ANKRD11: variants seen among roughly 807,000 people sequenced by gnomAD.
ANKRD11 encodes ankyrin repeat domain-containing protein 11.
A neutral mutation model predicts 195.7 loss-of-function variants in ANKRD11; 17 were observed. The observed-to-expected ratio is 0.09, with a 90% CI of 0.06 to 0.13. ANKRD11 has a LOEUF of 0.13. ANKRD11 is among the 10% of genes least tolerant of loss of function. The pLI is 1.00. For missense variants in ANKRD11, 3,735 were observed against 3,566.1 expected (o/e 1.05, Z -1.21); for synonymous variants, 1,953 against 1,528.1 (o/e 1.28, Z -6.49).
At chr16:89,366,970 T>G (rs1439407658) in intron 2 of ANKRD11, among the ~76,000 whole-genome samples, 1 of 152,236 alleles carries the variant, frequency 6.6e-6, no homozygotes, top group Non-Finnish European at 1.5e-5. Flanking sequence ...CAGGCTGGAT[T>G]AGGTCCGCTG....
At position 89,282,747 on chromosome 16, in the gene ANKRD11, G is replaced by C; in HGVS notation, c.3795C>G (p.Ser1265=). ...KHKEKSDKEH[S]KERKSSRSAD... ...CACTTCTCGAGGACTTCCTCTCCTTGGAATGTTCTTTGTCCGACTTCTCTT... is the reference window on the plus strand; with the variant it reads ...CACTTCTCGAGGACTTCCTCTCCTTCGAATGTTCTTTGTCCGACTTCTCTT... The change falls in exon 9 of 13, where the codon TCC becomes TCG. Residue 1265 remains serine, a synonymous_variant. Coordinates refer to ENST00000301030, the MANE Select transcript of ANKRD11 (RefSeq NM_013275.6). 1 of 1,613,314 alleles carries C rather than the reference G, an allele frequency of 6.2e-7. No individual in the cohort carries two copies. The highest frequency in any genetic ancestry group is 8.5e-7 in the Non-Finnish European group (1 of 1,179,956).
chr16:89,275,487 A>T (rs1389154111), intron 9 of ANKRD11, among the ~76,000 whole-genome samples: 1 of 152,190 alleles, frequency 6.6e-6, no homozygotes, highest in Non-Finnish European at 1.5e-5. Context: ...GGAGGGCCTG[A>T]AACACCGGCA....
chr16:89,477,500 C>T lies in ANKRD11; in HGVS notation c.-145+12745G>A, dbSNP rs1024052132. On this transcript the variant is annotated intron_variant, in intron 1 of 12. Coordinates refer to ENST00000301030, the MANE Select transcript of ANKRD11 (RefSeq NM_013275.6). ...CCTCCCGAGTAGCTGAGATTACAGG[C>T]GCCTGCCACCACGCCCAGCTAATTT... 3.4e-4 allele frequency among the ~76,000 whole-genome samples: 52 copies of T among 152,046 alleles called. 1 individual carries two copies. Among genetic ancestry groups the T allele is most frequent in the South Asian group, 2.3e-3 (11 of 4,814 alleles).
At chr16:89,377,281 G>C (rs1175107436) in intron 2 of ANKRD11, among the ~76,000 whole-genome samples, 1 of 152,134 alleles carries the variant, frequency 6.6e-6, no homozygotes, top group Non-Finnish European at 1.5e-5. Context: ...GAGAGAGAGA[G>C]AGAGCATCAT....
intron 1 of ANKRD11, among the ~76,000 whole-genome samples, chr16:89,481,549 C>A (rs2965962): frequency 6.6e-6 from 1 of 152,084 alleles, no homozygotes; most frequent in Non-Finnish European, 1.5e-5. Flanking sequence ...AGAGCAAGAC[C>A]TTGTCTCAAA....
rs1257214083 is a variant in ANKRD11 at position 89,456,255 on chromosome 16, G to A, written c.-145+33990C>T. On this transcript the variant is annotated intron_variant, in intron 1 of 12. Coordinates refer to ENST00000301030, the MANE Select transcript of ANKRD11 (RefSeq NM_013275.6). Reference sequence around the variant, plus strand: ...ATTCGGTCCCAAAAAAAAAAGGGGGGGTGGAAACGGGGGCCAGGCAAGCTG... The same window carrying A: ...ATTCGGTCCCAAAAAAAAAAGGGGGAGTGGAAACGGGGGCCAGGCAAGCTG... Among the ~76,000 whole-genome samples, 9 of 150,798 alleles carry A rather than the reference G, an allele frequency of 6.0e-5. No homozygotes were observed. The South Asian group carries it at 1.7e-3, about 28-fold the overall frequency.
At chr16:89,338,837 A>G (rs2038513472) in intron 2 of ANKRD11, among the ~76,000 whole-genome samples, 2 of 152,076 alleles carry the variant, frequency 1.3e-5, no homozygotes. Flanking sequence ...CAAAACAATC[A>G]TTTCCCTTTC....
intron 1 of ANKRD11, among the ~76,000 whole-genome samples, chr16:89,464,901 C>T (rs74829481): frequency 0.04 from 6,143 of 152,254 alleles, 140 homozygotes; most frequent in Middle Eastern, 0.058. Flanking sequence ...CCAAGTTCAT[C>T]TACTATGATT....
At chr16:89,380,233 C>T (rs182527283) in intron 2 of ANKRD11, among the ~76,000 whole-genome samples, 69 of 152,222 alleles carry the variant, frequency 4.5e-4, no homozygotes, top group Admixed American at 1.6e-3. Context: ...CTGTCTCTGC[C>T]CCCCGAGTAG....
At chr16:89,415,117 C>T (rs1263689421) in intron 2 of ANKRD11, among the ~76,000 whole-genome samples, 2 of 151,908 alleles carry the variant, frequency 1.3e-5, no homozygotes, top group Admixed American at 6.6e-5. Flanking sequence ...CCATGCCTGG[C>T]TCATTTTTTT....
At chr16:89,438,296 C>CT (rs2043300492) in intron 1 of ANKRD11, among the ~76,000 whole-genome samples, 1 of 151,012 alleles carries the variant, frequency 6.6e-6, no homozygotes, top group South Asian at 2.1e-4. Flanking sequence ...GCGTAGGAAG[C>CT]TATCTTTATG....
rs533224443 is a variant in ANKRD11, at chr16:89,437,280, C to CA, written c.-144-18913dup. Among the ~76,000 whole-genome samples, 65 of 152,302 alleles carry CA rather than the reference C, an allele frequency of 4.3e-4. No individual in the cohort carries two copies. In the Middle Eastern group the frequency reaches 0.01, roughly 24 times the overall value. On this transcript the variant is annotated intron_variant, in intron 1 of 12. Transcript: ENST00000301030. ...GCATGATGCTAATATGCTAATATGA[C>CA]AGAGAATTTTTTAAAAAGCCACCAA...
intron 1 of ANKRD11, among the ~76,000 whole-genome samples, chr16:89,455,343 G>A (rs1230858069): frequency 2.0e-5 from 3 of 152,128 alleles, no homozygotes; most frequent in Non-Finnish European, 4.4e-5. Flanking sequence ...TCCCATGGGT[G>A]CTGTTAGGGT....
intron 2 of ANKRD11, among the ~76,000 whole-genome samples, chr16:89,387,448 A>G (rs937913513): frequency 2.0e-5 from 3 of 150,514 alleles, no homozygotes; most frequent in Middle Eastern, 3.3e-3. Context: ...TGAGGCGGGC[A>G]GATCACGAGG....
intron 1 of ANKRD11, among the ~76,000 whole-genome samples, chr16:89,442,310 C>T (rs1597418933): frequency 6.6e-6 from 1 of 152,302 alleles, no homozygotes; most frequent in East Asian, 1.9e-4. Flanking sequence ...ACTCTCAAAA[C>T]ATAATTAGAA....
chr16:89,399,157 G>C (rs2041589097), intron 2 of ANKRD11, among the ~76,000 whole-genome samples: 1 of 152,188 alleles, frequency 6.6e-6, no homozygotes, highest in African/African-American at 2.4e-5. Flanking sequence ...CACAGCACGA[G>C]TCCACGCAAG....
intron 12 of ANKRD11, among the ~76,000 whole-genome samples, chr16:89,269,151 G>C (rs2032905671): frequency 6.6e-6 from 1 of 152,170 alleles, no homozygotes; most frequent in Non-Finnish European, 1.5e-5. Context: ...GGGAGTACTG[G>C]TATGTCACAA....
chr16:89,415,269 T>C (rs1490881902), intron 2 of ANKRD11, among the ~76,000 whole-genome samples: 1 of 130,720 alleles, frequency 7.6e-6, no homozygotes, highest in Non-Finnish European at 1.6e-5. Flanking sequence ...TTCTTTTTTT[T>C]TTTTTTTTTT....
chr16:89,472,677 A>T (rs2152353087), intron 1 of ANKRD11, among the ~76,000 whole-genome samples: 1 of 152,306 alleles, frequency 6.6e-6, no homozygotes, highest in Admixed American at 6.5e-5. Flanking sequence ...CTGACCACAG[A>T]GGTGTTACTG....
Sources: allele counts gnomAD v4.1 joint callset (sites outside exome capture counted in the v4.1 genomes callset), GRCh38; gene constraint gnomAD v4.1.1; transcripts MANE v1.5; gene names NCBI Gene and HGNC (gene_info 2026-07-23, HGNC 2026-07-21).